INPP5D: variants seen among roughly 807,000 people sequenced by gnomAD.
INPP5D encodes the protein phosphatidylinositol 3,4,5-trisphosphate 5-phosphatase 1.
Under a neutral mutation model 122.9 loss-of-function variants are expected in INPP5D, and 33 were observed. That is an observed-to-expected ratio of 0.27 (90% confidence interval 0.20 to 0.36). The LOEUF (loss-of-function observed/expected upper bound fraction) is 0.36, where lower values mean the gene tolerates loss of function less well. Ranked by LOEUF, INPP5D falls within the 10% of genes least tolerant of loss-of-function variation. The pLI is 1.00. For missense variants in INPP5D, 1,053 were observed against 1,412.7 expected, an observed-to-expected ratio of 0.75 and a Z score of 4.08; for synonymous variants, 584 against 576.2, an observed-to-expected ratio of 1.01 and a Z score of -0.19.
chr2:233,112,064 GAA>G (rs111594925), intron 2 of INPP5D, among the ~76,000 whole-genome samples: 7,598 of 117,192 alleles, frequency 0.065, 664 homozygotes, highest in African/African-American at 0.2. Context: ...ACTCTGTCTT[GAA>G]AAAAAAAAAA....
intron 2 of INPP5D, among the ~76,000 whole-genome samples, chr2:233,081,834 C>T (rs980475675): frequency 2.0e-5 from 3 of 152,182 alleles, no homozygotes; most frequent in Non-Finnish European, 2.9e-5. Flanking sequence ...CAGCCAGCAG[C>T]CTCCCTTCTC....
At chr2:233,129,884 TTGTGTG>T (rs140392015) in intron 4 of INPP5D, among the ~76,000 whole-genome samples, 70,818 of 149,724 alleles carry the variant, frequency 0.47, 17,285 homozygotes, top group East Asian at 0.65. Flanking sequence ...TGGCCTCCTT[TTGTGTG>T]TGTGTGTGTG....
intron 2 of INPP5D, among the ~76,000 whole-genome samples, chr2:233,092,696 G>A (rs1353042705): frequency 6.6e-6 from 1 of 152,186 alleles, no homozygotes; most frequent in Non-Finnish European, 1.5e-5. Flanking sequence ...AGAAGGAAAC[G>A]GCAATTTCAA....
chr2:233,123,619 G>A (rs571289839), intron 3 of INPP5D, among the ~76,000 whole-genome samples: 1 of 152,314 alleles, frequency 6.6e-6, no homozygotes, highest in Admixed American at 6.5e-5. Context: ...GATTTACTGA[G>A]AATATACCTA....
intron 1 of INPP5D, among the ~76,000 whole-genome samples, chr2:233,071,516 G>A (rs1691383306): frequency 6.6e-6 from 1 of 151,930 alleles, no homozygotes; most frequent in South Asian, 2.1e-4. Flanking sequence ...TTTTATTTTA[G>A]GTGATTTTCA....
chr2:233,069,371 A>G (rs994443535), intron 1 of INPP5D, among the ~76,000 whole-genome samples: 1 of 152,236 alleles, frequency 6.6e-6, no homozygotes. Flanking sequence ...AATGGTATTT[A>G]TACAAAGCAC....
At chr2:233,155,116 G>A (rs1312995701) in intron 9 of INPP5D, among the ~76,000 whole-genome samples, 1 of 151,746 alleles carries the variant, frequency 6.6e-6, no homozygotes, top group Non-Finnish European at 1.5e-5. Flanking sequence ...TAAAATGAAA[G>A]TGAAAAAGGA....
intron 18 of INPP5D, among the ~76,000 whole-genome samples, chr2:233,180,790 C>T (rs1694764864): frequency 6.7e-6 from 1 of 149,664 alleles, no homozygotes; most frequent in African/African-American, 2.5e-5. Context: ...CCACCCACCT[C>T]GGCCTCCCAA....
At chr2:233,162,957 A>G (rs909339241) in intron 11 of INPP5D, among the ~76,000 whole-genome samples, 2 of 152,186 alleles carry the variant, frequency 1.3e-5, no homozygotes, top group African/African-American at 4.8e-5. Flanking sequence ...AAGAGTATGG[A>G]AGGAGCCAGC....
chr2:233,098,936 T>TTTTATTTATTTATTTATTTATTTATTTA (rs57540040), intron 2 of INPP5D, among the ~76,000 whole-genome samples: 9 of 145,986 alleles, frequency 6.2e-5, no homozygotes, highest in East Asian at 2.0e-4. Flanking sequence ...GGAACTTTAT[T>TTTTATTTATTTATTTATTTATTTATTTA]TTTATTTATT....
intron 9 of INPP5D, among the ~76,000 whole-genome samples, chr2:233,153,161 A>G (rs1284518273): frequency 1.3e-5 from 2 of 152,176 alleles, no homozygotes; most frequent in East Asian, 1.9e-4. Flanking sequence ...CTCTGATGGA[A>G]TAATAACCCT....
chr2:233,195,502 T>C lies in INPP5D; in HGVS notation c.2693+7T>C, dbSNP rs138927203. ...AGTGGGAAGTCACTAGCAGGTAAAG[T>C]GGGCGTGGGGTGGGTGTTGGGGGGG... is the stretch of plus-strand genomic sequence containing the variant. On this transcript the variant is annotated splice_region_variant and intron_variant, in intron 24 of 26. Coordinates refer to ENST00000445964, the MANE Select transcript of INPP5D (RefSeq NM_001017915.3). 1.2e-3 allele frequency: 1,795 copies of C among 1,552,526 alleles called. 14 individuals carry two copies. The African/African-American group carries it at 0.015, about 13-fold the overall frequency.
At chr2:233,199,308 A>G (rs12987960) in intron 25 of INPP5D, among the ~76,000 whole-genome samples, 684 of 103,234 alleles carry the variant, frequency 6.6e-3, no homozygotes, top group Middle Eastern at 0.016. Flanking sequence ...AATCGCTTGA[A>G]CCCAGGAGGC....
chr2:233,112,206 C>T (rs960710413), intron 2 of INPP5D, among the ~76,000 whole-genome samples: 4 of 152,172 alleles, frequency 2.6e-5, no homozygotes, highest in East Asian at 1.9e-4. Context: ...GTTGTCGCTT[C>T]GACGGTTATT....
chr2:233,064,726 C>T (rs1023109831), intron 1 of INPP5D, among the ~76,000 whole-genome samples: 34 of 151,988 alleles, frequency 2.2e-4, no homozygotes, highest in African/African-American at 7.5e-4. Context: ...CTGTGTGGGG[C>T]GGGGCAGAGC....
intron 2 of INPP5D, among the ~76,000 whole-genome samples, chr2:233,091,348 T>TA (rs1362953098): frequency 7.2e-5 from 11 of 152,354 alleles, no homozygotes. Context: ...CAGAGGGGTT[T>TA]AAAACAACAC....
chr2:233,097,066 C>A (rs4973069), intron 2 of INPP5D, among the ~76,000 whole-genome samples: 107,220 of 152,096 alleles, frequency 0.7, 38,012 homozygotes, highest in Middle Eastern at 0.8. Flanking sequence ...ATAACTTCAC[C>A]GTCCAAATGG....
intron 2 of INPP5D, among the ~76,000 whole-genome samples, chr2:233,106,590 C>T (rs1692475667): frequency 6.6e-6 from 1 of 152,218 alleles, no homozygotes; most frequent in South Asian, 2.1e-4. Flanking sequence ...CAGGGAAGGG[C>T]CCTTCTGCCA....
chr2:233,118,136 G>A (rs556636831), intron 2 of INPP5D, among the ~76,000 whole-genome samples: 1 of 152,274 alleles, frequency 6.6e-6, no homozygotes, highest in South Asian at 2.1e-4. Flanking sequence ...CTGGCCTGTG[G>A]ATGTCAATAC....
Sources: gnomAD v4.1 joint callset for allele counts (sites outside exome capture counted in the v4.1 genomes callset) on GRCh38, gnomAD v4.1.1 for gene constraint, MANE v1.5 for transcripts, NCBI Gene and HGNC (gene_info 2026-07-23, HGNC 2026-07-21) for gene names.